Variants in LRP2 observed in about 807,000 individuals in gnomAD.
LRP2 encodes low-density lipoprotein receptor-related protein 2.
In LRP2, 172 loss-of-function variants were observed where a neutral mutation model predicts 531.0. That is an observed-to-expected ratio of 0.32 (90% CI 0.29 to 0.37). The LOEUF is 0.37. Among genes scored for constraint, LRP2 ranks in the 10% least tolerant of loss-of-function variants. The probability of loss-of-function intolerance (pLI) is 1.00; values close to 1 mark genes in which losing one functional copy is unlikely to be tolerated. For synonymous variants in LRP2, 1,992 were observed against 2,027.6 expected (o/e 0.98, Z 0.47); for missense variants, 5,167 against 5,868.3 (o/e 0.88, Z 3.90).
intron 68 of LRP2, among the ~76,000 whole-genome samples, chr2:169,147,886 G>C (rs1034449791): frequency 6.6e-6 from 1 of 151,968 alleles, no homozygotes; most frequent in African/African-American, 2.4e-5. Context: ...GATTTCCAAA[G>C]CAAGAAATAC....
chr2:169,194,778 T>C lies in LRP2; in HGVS notation c.8699-886A>G, dbSNP rs185563914. 1.3e-4 allele frequency among the ~76,000 whole-genome samples: 19 copies of C among 142,784 alleles called. No homozygotes were observed. In the East Asian group the frequency reaches 3.7e-3, roughly 28 times the overall value. The allele number at this position is 142,784 out of a possible 152,430, so 93.7% of individuals were successfully genotyped here. On this transcript the variant is annotated intron_variant, in intron 46 of 78. Transcript: ENST00000649046. ...ACTCTGTGGCCAGGCTGGAGTGCAGTGGTGCGATCTCGGCTCACTGCAACC... is the reference window on the plus strand; with the variant it reads ...ACTCTGTGGCCAGGCTGGAGTGCAGCGGTGCGATCTCGGCTCACTGCAACC...
At chr2:169,137,272 G>A (rs2105334504) in intron 76 of LRP2, 120 bp downstream of exon 76, 1 of 795,614 alleles carries the variant, frequency 1.3e-6, no homozygotes, top group Admixed American at 1.8e-5. Context: ...CTGCAGCATG[G>A]ACCACTCACT....
rs748258028 is a variant in LRP2, at chr2:169,294,660, T to C, written c.478A>G (p.Thr160Ala). Residue 160 changes from threonine (T) to alanine (A), a missense_variant, in exon 5 of 79, where the codon ACC becomes GCC. Transcript: ENST00000649046. ...LTCDNGACYN[T>A]SQKCDWKVDC... ...ACTTTCCAATCACACTTCTGACTGG[T>C]GTTATAGCAGGCCCCATTGTCACAA... 12 of 1,604,116 alleles carry C rather than the reference T, an allele frequency of 7.5e-6. No homozygotes were observed. The African/African-American group carries it at 1.5e-4, about 21-fold the overall frequency.
intron 16 of LRP2, among the ~76,000 whole-genome samples, chr2:169,262,460 C>T (rs1690600133): frequency 7.5e-6 from 1 of 133,384 alleles, no homozygotes; most frequent in Admixed American, 7.9e-5. Flanking sequence ...AACAGACAAA[C>T]AGAGAGCCAA....
At position 169,154,616 on chromosome 2, in the gene LRP2, A is replaced by G; in HGVS notation, c.12152-13T>C. On this transcript the variant is annotated splice_polypyrimidine_tract_variant and intron_variant, in intron 65 of 78. Coordinates refer to ENST00000649046, the MANE Select transcript of LRP2 (RefSeq NM_004525.3). ...AAAGGAGAGCTACCTGTAAACAAAC[A>G]AAGGGCTACTTTATCTGTTTGAATT... 2.5e-6 allele frequency: 4 copies of G among 1,612,998 alleles called. No homozygotes were observed. In the South Asian group the frequency reaches 4.4e-5, roughly 18 times the overall value.
rs201808907 is a variant in LRP2, at chr2:169,182,220, G to T, written c.9945C>A (p.Asn3315Lys). 1.8e-5 allele frequency: 29 copies of T among 1,614,068 alleles called. No individual in the cohort carries two copies. The African/African-American group carries it at 2.1e-4, about 12-fold the overall frequency. Residue 3315 changes from asparagine to lysine, a missense_variant, in exon 51 of 79, where the codon AAC becomes AAA. Coordinates refer to ENST00000649046, the MANE Select transcript of LRP2 (RefSeq NM_004525.3). ...RMLAQHCVDANNTFCFDNPRG... is the reference protein window; with the variant it reads ...RMLAQHCVDAKNTFCFDNPRG... ...TGGGATTATCAAAGCAGAAGGTGTT[G>T]TTGGCATCCACACAGTGCTGGGCCA...
At chr2:169,140,725 A>T (rs1685691630) in intron 71 of LRP2, among the ~76,000 whole-genome samples, 180 bp from the exon 72 acceptor site, 2 of 152,212 alleles carry the variant, frequency 1.3e-5, no homozygotes, top group Admixed American at 1.3e-4. Flanking sequence ...AGAGTAACAT[A>T]CATTTAGTGG....
chr2:169,315,959 CAAAAAAAAAAAAA>C (rs536458606), intron 3 of LRP2, among the ~76,000 whole-genome samples: 1 of 73,750 alleles, frequency 1.4e-5, no homozygotes, highest in African/African-American at 5.1e-5. Context: ...CCCATCTCTA[CAAAAAAAAAAAAA>C]AAAAAAAAAA....
intron 1 of LRP2, among the ~76,000 whole-genome samples, chr2:169,328,388 C>T (rs1466146104): frequency 7.0e-6 from 1 of 143,290 alleles, no homozygotes; most frequent in African/African-American, 2.6e-5. Context: ...CTCTGCCCAG[C>T]CACCACCTCG....
chr2:169,168,473 ACG>A (rs1416510063), intron 61 of LRP2, 64 bp downstream of exon 61: 29 of 1,505,976 alleles, frequency 1.9e-5, no homozygotes, highest in Non-Finnish European at 2.5e-5. Flanking sequence ...CACATGCTAC[ACG>A]TAAGAAACAA....
At chr2:169,309,794 A>C (rs1249355874) in intron 3 of LRP2, among the ~76,000 whole-genome samples, 1 of 152,172 alleles carries the variant, frequency 6.6e-6, no homozygotes, top group Non-Finnish European at 1.5e-5. Context: ...GATGGCATTG[A>C]ATCTATAAAT....
rs200025742 is a variant in LRP2 at position 169,338,404 on chromosome 2, GAAAGA to G, written c.80-17525_80-17521del. 1.6e-3 allele frequency among the ~76,000 whole-genome samples: 166 copies of G among 104,550 alleles called. 1 individual carries two copies. The highest frequency in any genetic ancestry group is 5.8e-3 in the African/African-American group (150 of 25,714). 68.6% of individuals were successfully genotyped at this position (104,550 alleles called of 152,430 possible). A position where few individuals can be genotyped will look rare whatever the true frequency, so the allele number is the denominator to read the frequency against. On this transcript the variant is annotated intron_variant, in intron 1 of 78. Transcript: ENST00000649046. ...AGAAAGAAAGAAAGAAAGAAAGAAAGAAAGAAAAGAAAAGAAAAGAAAAAAGGAGG... is the reference window on the plus strand; with the variant it reads ...AGAAAGAAAGAAAGAAAGAAAGAAAGAAAGAAAAGAAAAGAAAAAAGGAGG...
chr2:169,174,521 G>A (rs1687117592), intron 55 of LRP2, among the ~76,000 whole-genome samples: 1 of 152,112 alleles, frequency 6.6e-6, no homozygotes, highest in Non-Finnish European at 1.5e-5. Context: ...TTTATTTTGT[G>A]CCTATTTGAT....
chr2:169,348,333 A>C (rs1015574823), intron 1 of LRP2, among the ~76,000 whole-genome samples: 2 of 152,164 alleles, frequency 1.3e-5, no homozygotes, highest in African/African-American at 4.8e-5. Context: ...GAGGGAGACT[A>C]TGCCCAGGAG....
At chr2:169,177,539 T>C (rs1687242400) in intron 53 of LRP2, among the ~76,000 whole-genome samples, 1 of 151,078 alleles carries the variant, frequency 6.6e-6, no homozygotes, top group Non-Finnish European at 1.5e-5. Flanking sequence ...TTAAATCTTA[T>C]CAAAAACAAA....
At chr2:169,283,063 A>C (rs1248707727) in intron 9 of LRP2, 62 bp from the exon 10 acceptor site, 22 of 1,574,516 alleles carry the variant, frequency 1.4e-5, no homozygotes, top group Non-Finnish European at 1.9e-5. Flanking sequence ...GCACTCTCTG[A>C]CAAAAATCCT....
At chr2:169,201,952 G>C (rs1025111332) in intron 43 of LRP2, 82 bp from the exon 44 acceptor site, 7 of 1,555,436 alleles carry the variant, frequency 4.5e-6, no homozygotes, top group Non-Finnish European at 6.1e-6. Flanking sequence ...TTAAATAAAA[G>C]AGACACTTTG....
intron 1 of LRP2, among the ~76,000 whole-genome samples, chr2:169,346,667 C>T (rs1420321092): frequency 6.6e-6 from 1 of 152,064 alleles, no homozygotes; most frequent in African/African-American, 2.4e-5. Context: ...AGTGAGACCC[C>T]CATCTCTAAA....
In LRP2 at chr2:169,272,661, G is replaced by C. The variant is rs75695007; in HGVS notation, c.2116+266C>G. ...GAGAAAAAGGCTTCAGGAAACAAAG[G>C]GGGAAGGGAACCCAAGAAAACCTTA... is the stretch of plus-strand genomic sequence containing the variant. On this transcript the variant is annotated intron_variant, in intron 15 of 78. Transcript: ENST00000649046. Among the ~76,000 whole-genome samples the C allele has an allele frequency of 0.02, 3,098 of 152,236 alleles. 97 individuals carry two copies. The highest frequency in any genetic ancestry group is 0.071 in the African/African-American group (2,950 of 41,554).
Sources: gnomAD v4.1 joint callset for allele counts (sites outside exome capture counted in the v4.1 genomes callset) on GRCh38, gnomAD v4.1.1 for gene constraint, MANE v1.5 for transcripts, NCBI Gene and HGNC (gene_info 2026-07-23, HGNC 2026-07-21) for gene names.